The following CTCFL variants were observed in gnomAD, a reference collection of about 807,000 sequenced individuals.
CTCFL encodes the protein CCCTC-binding factor like, also known as transcriptional repressor CTCFL.
CTCFL carries 36 observed loss-of-function variants against 67.4 expected under a neutral mutation model. The observed-to-expected ratio is 0.53, with a 90% CI of 0.41 to 0.71. The LOEUF is 0.71. Among genes scored for constraint, CTCFL ranks in the 30% least tolerant of loss-of-function variants. The probability of loss-of-function intolerance (pLI) is 0.00; values close to 1 mark genes in which losing one functional copy is unlikely to be tolerated. For synonymous variants in CTCFL, 324 were observed against 302.3 expected, an observed-to-expected ratio of 1.07 and a Z score of -0.75; for missense variants, 786 against 835.2, an observed-to-expected ratio of 0.94 and a Z score of 0.73.
rs1431816189 is a variant in CTCFL, at chr20:57,514,636, T to C, written c.1286A>G (p.Gln429Arg). ...QKHGENVPKY[Q>R]CPHCATIIAR... Reference sequence around the variant, plus strand: ...AATGATGGTGGCACAATGGGGACACTGGTATTTGGGGACATTTTCGCCGTG... The same window carrying C: ...AATGATGGTGGCACAATGGGGACACCGGTATTTGGGGACATTTTCGCCGTG... The change falls in exon 7 of 11, where the codon CAG (glutamine) becomes CGG (arginine). Residue 429 changes from glutamine (Q) to arginine (R), a missense_variant. By Grantham distance (43) the Gln-to-Arg change is conservative (BLOSUM62 1). Transcript: ENST00000243914. The C allele has an allele frequency of 8.7e-6, 14 of 1,614,204 alleles. No homozygotes were observed. In the East Asian group the frequency reaches 2.5e-4, roughly 28 times the overall value.
intron 10 of CTCFL, among the ~76,000 whole-genome samples, chr20:57,500,819 G>C (rs1310760393): frequency 6.6e-6 from 1 of 151,888 alleles, no homozygotes; most frequent in Non-Finnish European, 1.5e-5. Flanking sequence ...AGGTTTAAGA[G>C]ATAATTAACA....
chr20:57,501,174 G>A (rs1285395102), intron 10 of CTCFL, among the ~76,000 whole-genome samples: 4 of 152,222 alleles, frequency 2.6e-5, no homozygotes, highest in African/African-American at 7.2e-5. Flanking sequence ...AGCTGGGGAC[G>A]GACCCGATGG....
At chr20:57,515,986 T>G in intron 5 of CTCFL, 152 bp from the exon 6 acceptor site, 1 of 897,606 alleles carries the variant, frequency 1.1e-6, no homozygotes, top group Non-Finnish European at 1.6e-6. Context: ...CATGAAAAAG[T>G]CATCACTTTT....
intron 1 of CTCFL, chr20:57,524,615 C>G (rs1463656336): frequency 1.2e-5 from 12 of 1,025,612 alleles, no homozygotes; most frequent in Non-Finnish European, 1.4e-5. Flanking sequence ...GCCCAGCAGG[C>G]TCTCGGCCAG....
chr20:57,513,410 A>T, intron 7 of CTCFL: 1 of 987,936 alleles, frequency 1.0e-6, no homozygotes, highest in Non-Finnish European at 1.2e-6. Context: ...TGATGGAGCT[A>T]CTCCACCTTA....
intron 6 of CTCFL, 45 bp downstream of exon 6, chr20:57,515,669 G>C: frequency 2.5e-6 from 4 of 1,613,156 alleles, no homozygotes; most frequent in Non-Finnish European, 3.4e-6. Flanking sequence ...CTTGCTTTAA[G>C]AGTTAACACT....
At chr20:57,516,539 AAAAAAT>A (rs1002063175) in intron 5 of CTCFL, among the ~76,000 whole-genome samples, 7 of 152,306 alleles carry the variant, frequency 4.6e-5, no homozygotes, top group Non-Finnish European at 5.9e-5. Flanking sequence ...CATGTCTCAA[AAAAAAT>A]AAAAATAAAA....
downstream of CTCFL, among the ~76,000 whole-genome samples, chr20:57,496,962 A>G (rs970109870): frequency 4.0e-5 from 6 of 150,848 alleles, no homozygotes; most frequent in Admixed American, 1.3e-4. Context: ...GGTATACGGT[A>G]TATCTGGAAG....
At chr20:57,505,901 C>A (rs1219180504) in intron 9 of CTCFL, among the ~76,000 whole-genome samples, 1 of 152,218 alleles carries the variant, frequency 6.6e-6, no homozygotes, top group Non-Finnish European at 1.5e-5. Context: ...TTGAAATTTG[C>A]AAATTATGCG....
At chr20:57,520,188 T>C (rs2069247498) in intron 3 of CTCFL, among the ~76,000 whole-genome samples, 1 of 152,214 alleles carries the variant, frequency 6.6e-6, no homozygotes, top group South Asian at 2.1e-4. Flanking sequence ...AGACAGTTTT[T>C]GACCATCACT....
chr20:57,504,623 A>G lies in CTCFL; in HGVS notation c.1675-1022T>C, dbSNP rs757397398. ...TCCGTCCCTGAGTTGTTTTTTAGAAACCTGGCTCTTTACCAAACAGGTCCA... is the reference window on the plus strand; with the variant it reads ...TCCGTCCCTGAGTTGTTTTTTAGAAGCCTGGCTCTTTACCAAACAGGTCCA... On this transcript the variant is annotated intron_variant, in intron 9 of 10. Transcript: ENST00000243914. Among the ~76,000 whole-genome samples, 5 of 151,772 alleles carry G rather than the reference A, an allele frequency of 3.3e-5. 1 individual carries two copies. Among genetic ancestry groups the G allele is most frequent in the Non-Finnish European group, 7.4e-5 (5 of 67,818 alleles).
rs749631011 is a variant in CTCFL at position 57,512,598 on chromosome 20, G to A, written c.1485C>T (p.Cys495=). 6.2e-7 allele frequency: 1 copy of A among 1,614,102 alleles called. No homozygotes were observed. The highest frequency in any genetic ancestry group is 1.3e-5 in the African/African-American group (1 of 75,040). The change falls in exon 8 of 11, where the codon TGC becomes TGT. Residue 495 remains cysteine, a synonymous_variant. Coordinates refer to ENST00000243914, the MANE Select transcript of CTCFL (RefSeq NM_001386993.1). ...ATTAAGTAAAGTACAATACCTGCTTGCAGGCATAACTGCAGTGTTTGCACT... is the reference window on the plus strand; with the variant it reads ...ATTAAGTAAAGTACAATACCTGCTTACAGGCATAACTGCAGTGTTTGCACT... ...RFKCKHCSYA[C]KQERHMTAHI... is the part of the protein sequence containing the mutation.
At chr20:57,515,571 G>T in intron 6 of CTCFL, 143 bp downstream of exon 6, 2 of 985,598 alleles carry the variant, frequency 2.0e-6, no homozygotes, top group Non-Finnish European at 3.1e-6. Context: ...TAAAAGTACA[G>T]ATCAAGATTC....
chr20:57,524,676 T>G lies in CTCFL; in HGVS notation c.-12+352A>C, dbSNP rs1026543162. 1.4e-5 allele frequency: 14 copies of G among 1,002,404 alleles called. No individual in the cohort carries two copies. The African/African-American group carries it at 1.9e-4, about 14-fold the overall frequency. The allele number at this position is 1,002,404 out of a possible 1,614,324, so 62.1% of individuals were successfully genotyped here. A position where few individuals can be genotyped will look rare whatever the true frequency, so the allele number is the denominator to read the frequency against. On this transcript the variant is annotated intron_variant, in intron 1 of 10. Coordinates refer to ENST00000243914, the MANE Select transcript of CTCFL (RefSeq NM_001386993.1). ...CAGGTCCAAGCAGGCCCCGGGCCAG[T>G]GCACACCCGGCGCCCAGCGAGGTTC...
At chr20:57,520,903 T>C (rs970160092) in intron 3 of CTCFL, among the ~76,000 whole-genome samples, 4 of 152,166 alleles carry the variant, frequency 2.6e-5, no homozygotes, top group African/African-American at 7.2e-5. Context: ...TGAAGGTGGG[T>C]CATAAGCCAG....
chr20:57,514,786 T>C lies in CTCFL; in HGVS notation c.1181-45A>G, dbSNP rs760797303. 2.5e-6 allele frequency: 4 copies of C among 1,577,122 alleles called. No individual in the cohort carries two copies. In the South Asian group the frequency reaches 4.6e-5, roughly 18 times the overall value. ...GTGATTCCCCCTCCAGGCCTGATCC[T>C]TGCCAAAGGCCACCTGTGCTGAAAG... On this transcript the variant is annotated intron_variant, in intron 6 of 10. Coordinates refer to ENST00000243914, the MANE Select transcript of CTCFL (RefSeq NM_001386993.1).
At chr20:57,514,278 G>A (rs2068756030) in intron 7 of CTCFL, among the ~76,000 whole-genome samples, 1 of 152,192 alleles carries the variant, frequency 6.6e-6, no homozygotes, top group Non-Finnish European at 1.5e-5. Flanking sequence ...GTTACTCTAT[G>A]TCTCTGATCC....
At chr20:57,514,816 T>G (rs754848616) in intron 6 of CTCFL, 75 bp from the exon 7 acceptor site, 16 of 1,448,524 alleles carry the variant, frequency 1.1e-5, no homozygotes, top group South Asian at 1.4e-5. Flanking sequence ...TGAAAGTGTT[T>G]TTTTTTTTTG....
Position 57,498,606 on chromosome 20 carries a change from C to T in CTCFL, c.1936G>A (p.Glu646Lys), listed in dbSNP as rs1347874132. 3.1e-6 allele frequency: 5 copies of T among 1,614,172 alleles called. No homozygotes were observed. Among genetic ancestry groups the T allele is most frequent in the Non-Finnish European group, 4.2e-6 (5 of 1,180,006 alleles). ...CAGGTCACGCCTTCATCCACTTCCT[C>T]TTTGACTCTGGCTGTGGTTTCTCTG... Reference protein sequence around the residue: ...ACRETTARVKEEVDEGVTCEM... With the variant: ...ACRETTARVKKEVDEGVTCEM... The change falls in exon 11 of 11, where the codon GAG (glutamate) becomes AAG (lysine). Residue 646 changes from glutamate to lysine, a missense_variant. This residue lies in a region of CTCFL where 199 missense variants were observed against 196.7 expected (regional missense o/e 1.01). Coordinates refer to ENST00000243914, the MANE Select transcript of CTCFL (RefSeq NM_001386993.1).
Sources: gnomAD v4.1 joint callset for allele counts (sites outside exome capture counted in the v4.1 genomes callset) on GRCh38, gnomAD v4.1.1 for gene constraint, gnomAD v4.1.1 regional missense constraint, MANE v1.5 for transcripts, NCBI Gene and HGNC (gene_info 2026-07-23, HGNC 2026-07-21) for gene names.